The following PARD3B variants were observed in gnomAD, a reference collection of about 807,000 sequenced individuals.
PARD3B encodes the protein par-3 family cell polarity regulator beta, also known as partitioning defective 3 homolog B.
Under a neutral mutation model 130.2 loss-of-function variants are expected in PARD3B, and 103 were observed. The ratio of observed to expected loss-of-function variants is 0.79; its 90% confidence interval spans 0.67 to 0.93. The LOEUF is 0.93. Ranked by LOEUF, PARD3B falls within the 40% of genes least tolerant of loss-of-function variation. The probability of loss-of-function intolerance (pLI) is 0.00; values close to 1 mark genes in which losing one functional copy is unlikely to be tolerated. For missense variants in PARD3B, 1,609 were observed against 1,499.2 expected, an observed-to-expected ratio of 1.07 and a Z score of -1.21; for synonymous variants, 583 against 553.2, an observed-to-expected ratio of 1.05 and a Z score of -0.76.
rs1420881968 is a variant in PARD3B, at chr2:205,351,535, A to C, written c.2631-49478A>C. On this transcript the variant is annotated intron_variant, in intron 18 of 22. Coordinates refer to ENST00000406610, the MANE Select transcript of PARD3B (RefSeq NM_001302769.2). This position sits in a 1 kb window ranked among gnomAD's most constrained non-coding sequence, Gnocchi z 4.2. ...GGAGTGAGAGGCGAGGAAGAAAGCC[A>C]CAGCCAAGACTTGGGAGATTTCAGG... 6.6e-6 allele frequency among the ~76,000 whole-genome samples: 1 copy of C among 152,188 alleles called. No individual in the cohort carries two copies. Among genetic ancestry groups the C allele is most frequent in the Non-Finnish European group, 1.5e-5 (1 of 68,030 alleles).
Position 205,615,990 on chromosome 2 carries a change from T to C in PARD3B, c.*177T>C. 3.4e-6 allele frequency: 2 copies of C among 595,704 alleles called. No homozygotes were observed. Among genetic ancestry groups the C allele is most frequent in the South Asian group, 6.2e-5 (2 of 32,070 alleles). The allele number at this position is 595,704 out of a possible 1,614,324, so 36.9% of individuals were successfully genotyped here. A position where few individuals can be genotyped will look rare whatever the true frequency, so the allele number is the denominator to read the frequency against. The stretch of plus-strand genomic sequence containing the variant: ...AGAGAGAAAAAGAAGGGGAAGGGAA[T>C]TGGGGAGGAAAAAAAATCAGAAGGA... On this transcript the variant is annotated 3_prime_UTR_variant, in exon 23 of 23. Coordinates refer to ENST00000406610, the MANE Select transcript of PARD3B (RefSeq NM_001302769.2).
chr2:204,730,276 C>T (rs1201717906), intron 2 of PARD3B, among the ~76,000 whole-genome samples: 1 of 152,036 alleles, frequency 6.6e-6, no homozygotes, highest in Non-Finnish European at 1.5e-5. Context: ...GCCATGTTGG[C>T]CAGGCTGGTC....
intron 18 of PARD3B, among the ~76,000 whole-genome samples, chr2:205,383,623 T>C (rs954266481): frequency 6.6e-6 from 1 of 152,058 alleles, no homozygotes; most frequent in African/African-American, 2.4e-5. Flanking sequence ...GTACATACGG[T>C]GAAATTCACT....
rs1321415748 is a variant in PARD3B at position 205,618,893 on chromosome 2, T to C, written c.*3080T>C. On this transcript the variant is annotated 3_prime_UTR_variant, in exon 23 of 23. Coordinates refer to ENST00000406610, the MANE Select transcript of PARD3B (RefSeq NM_001302769.2). ...ATACAAGCTCAGAAACAGGAACATT[T>C]TCCTAAATCATAACCTAATAGCAAA... is the stretch of plus-strand genomic sequence containing the variant. The C allele has an allele frequency of 6.6e-6, 1 of 152,224 alleles. No individual in the cohort carries two copies. Among genetic ancestry groups the C allele is most frequent in the East Asian group, 1.9e-4 (1 of 5,196 alleles). 9.4% of individuals were successfully genotyped at this position (152,224 alleles called of 1,614,324 possible). A position where few individuals can be genotyped will look rare whatever the true frequency, so the allele number is the denominator to read the frequency against.
Position 205,367,560 on chromosome 2 carries a change from A to G in PARD3B, c.2631-33453A>G, listed in dbSNP as rs532534929. Among the ~76,000 whole-genome samples, 5 of 152,348 alleles carry G rather than the reference A, an allele frequency of 3.3e-5. No individual in the cohort carries two copies. In the East Asian group the frequency reaches 9.6e-4, roughly 29 times the overall value. On this transcript the variant is annotated intron_variant, in intron 18 of 22. Transcript: ENST00000406610. ...AATGGTTTAGAACAGACAGCCCTAA[A>G]AGGTTCTCAGAGGATCGGATTATCT...
intron 1 of PARD3B, among the ~76,000 whole-genome samples, chr2:204,645,931 A>G (rs561430253): frequency 4.5e-4 from 69 of 152,240 alleles, no homozygotes; most frequent in Non-Finnish European, 7.1e-4. Flanking sequence ...TGTGACTGCT[A>G]TAACGTGTCT....
chr2:204,609,833 A>G (rs1404141713), intron 1 of PARD3B, among the ~76,000 whole-genome samples: 1 of 152,140 alleles, frequency 6.6e-6, no homozygotes, highest in Non-Finnish European at 1.5e-5. Context: ...TTTAAATAAG[A>G]GATTAAATGA....
At chr2:205,312,733 T>C (rs1463044837) in intron 18 of PARD3B, among the ~76,000 whole-genome samples, 2 of 152,250 alleles carry the variant, frequency 1.3e-5, no homozygotes. Context: ...CTTCATTTTG[T>C]TAATTTGCCA....
intron 21 of PARD3B, among the ~76,000 whole-genome samples, chr2:205,549,783 T>C (rs912468561): frequency 9.2e-5 from 14 of 152,190 alleles, no homozygotes; most frequent in African/African-American, 3.1e-4. Flanking sequence ...CTATGGGCTA[T>C]GAGTGATTAT....
chr2:204,931,422 T>C (rs955522041), intron 2 of PARD3B, among the ~76,000 whole-genome samples: 1 of 152,080 alleles, frequency 6.6e-6, no homozygotes, highest in African/African-American at 2.4e-5. Context: ...AATTTATGTG[T>C]ATTCTTTTTG....
At chr2:204,655,432 C>T (rs1241323822) in intron 1 of PARD3B, among the ~76,000 whole-genome samples, 1 of 152,144 alleles carries the variant, frequency 6.6e-6, no homozygotes, top group Non-Finnish European at 1.5e-5. Flanking sequence ...TTGTTGCCTG[C>T]ATTCCTGGAT....
At chr2:204,687,389 T>C (rs2037139310) in intron 2 of PARD3B, among the ~76,000 whole-genome samples, 1 of 152,186 alleles carries the variant, frequency 6.6e-6, no homozygotes, top group African/African-American at 2.4e-5. Flanking sequence ...TCTAGGGAAA[T>C]AACTAGCTAT....
chr2:204,999,026 T>G (rs1694602478), intron 3 of PARD3B, among the ~76,000 whole-genome samples: 1 of 152,030 alleles, frequency 6.6e-6, no homozygotes, highest in Non-Finnish European at 1.5e-5. Context: ...AACTGGCACT[T>G]CTAGAGTAAT....
intron 16 of PARD3B, among the ~76,000 whole-genome samples, chr2:205,285,332 C>T (rs72940370): frequency 0.04 from 6,111 of 152,150 alleles, 184 homozygotes; most frequent in Non-Finnish European, 0.064. Context: ...AGCAAAACAT[C>T]CATCCCAGTT....
At position 205,156,310 on chromosome 2, in the gene PARD3B, C is replaced by T. The variant is rs1219135611; in HGVS notation, c.1435-2412C>T. ...ATAGCATTAGGAGATATACCTAATGCTAAATGACGAGTTAATGGGTGCAGC... is the reference window on the plus strand; with the variant it reads ...ATAGCATTAGGAGATATACCTAATGTTAAATGACGAGTTAATGGGTGCAGC... On this transcript the variant is annotated intron_variant, in intron 10 of 22. Coordinates refer to ENST00000406610, the MANE Select transcript of PARD3B (RefSeq NM_001302769.2). 2.7e-4 allele frequency among the ~76,000 whole-genome samples: 40 copies of T among 149,948 alleles called. 1 individual carries two copies. The highest frequency in any genetic ancestry group is 8.0e-4 in the East Asian group (4 of 5,014).
chr2:205,147,338 G>A (rs1276283689), intron 10 of PARD3B, among the ~76,000 whole-genome samples: 2 of 152,018 alleles, frequency 1.3e-5, no homozygotes, highest in Non-Finnish European at 2.9e-5. Context: ...TCGGGGGAGA[G>A]GGTTACTGTA....
chr2:204,780,157 G>T (rs1322790821), intron 2 of PARD3B, among the ~76,000 whole-genome samples: 2 of 152,248 alleles, frequency 1.3e-5, no homozygotes, highest in Admixed American at 6.5e-5. Flanking sequence ...GAGGTGTTCA[G>T]TACATTATGA....
chr2:204,802,983 T>TATAATAATAATA (rs147774357), intron 2 of PARD3B, among the ~76,000 whole-genome samples: 4 of 148,852 alleles, frequency 2.7e-5, no homozygotes, highest in African/African-American at 9.9e-5. Flanking sequence ...GAAACTAAAG[T>TATAATAATAATA]ATAATAATAA....
At chr2:204,779,570 A>G (rs1400102180) in intron 2 of PARD3B, among the ~76,000 whole-genome samples, 4 of 152,050 alleles carry the variant, frequency 2.6e-5, no homozygotes, top group African/African-American at 9.7e-5. Context: ...AAGTTCAGAA[A>G]CTCTAGAAAA....
Sources: allele counts gnomAD v4.1 joint callset (sites outside exome capture counted in the v4.1 genomes callset), GRCh38; gene constraint gnomAD v4.1.1; non-coding constraint Gnocchi (gnomAD v3.1); transcripts MANE v1.5; gene names NCBI Gene and HGNC (gene_info 2026-07-23, HGNC 2026-07-21).